Variants in CDH4 observed in about 807,000 individuals in gnomAD.
CDH4 encodes cadherin 4, also known as cadherin-4.
CDH4 carries 33 observed loss-of-function variants against 86.0 expected under a neutral mutation model. The ratio of observed to expected loss-of-function variants is 0.38; its 90% CI spans 0.29 to 0.51. CDH4 has a LOEUF of 0.51. Among genes scored for constraint, CDH4 ranks in the 20% least tolerant of loss-of-function variants. CDH4 has a pLI of 0.86. For synonymous variants in CDH4, 555 were observed against 549.4 expected, an observed-to-expected ratio of 1.01 and a Z score of -0.14; for missense variants, 1,114 against 1,307.4, an observed-to-expected ratio of 0.85 and a Z score of 2.28.
chr20:61,326,524 G>T (rs1010911255), intron 2 of CDH4, among the ~76,000 whole-genome samples: 1 of 152,212 alleles, frequency 6.6e-6, no homozygotes, highest in African/African-American at 2.4e-5. Context: ...TAGATAACCA[G>T]TTAAAAAATA....
At chr20:61,565,344 TCCTCTTGGTGATGG>T (rs2086284642) in intron 2 of CDH4, among the ~76,000 whole-genome samples, 2 of 52,040 alleles carry the variant, frequency 3.8e-5, no homozygotes, top group African/African-American at 7.0e-5. Context: ...GTGGTAGTGG[TCCTCTTGGTGATGG>T]GGTGATGGTG....
chr20:61,313,825 C>T (rs546030870), intron 2 of CDH4, among the ~76,000 whole-genome samples: 13 of 152,240 alleles, frequency 8.5e-5, no homozygotes, highest in Admixed American at 7.2e-4. Flanking sequence ...CAGCCTCAAA[C>T]TCATGGCCTC....
intron 4 of CDH4, 42 bp from the exon 5 acceptor site, chr20:61,844,626 C>T: frequency 6.3e-7 from 1 of 1,575,958 alleles, no homozygotes; most frequent in African/African-American, 1.3e-5. Context: ...GGCCTCTCCT[C>T]ACCACAGGAT....
chr20:61,723,424 G>T lies in CDH4; in HGVS notation c.170-20139G>T, dbSNP rs577698920. On this transcript the variant is annotated intron_variant, in intron 2 of 15. Transcript: ENST00000614565. ...TAAATGAGTGGGTTCTGGCTCTGTC[G>T]TTTTCCTCCCCAGGGCCTGCAGCCT... Among the ~76,000 whole-genome samples, 12 of 152,332 alleles carry T rather than the reference G, an allele frequency of 7.9e-5. No homozygotes were observed. The East Asian group carries it at 2.3e-3, about 29-fold the overall frequency.
intron 2 of CDH4, among the ~76,000 whole-genome samples, chr20:61,414,637 T>C (rs1477103521): frequency 6.6e-6 from 1 of 152,090 alleles, no homozygotes; most frequent in Non-Finnish European, 1.5e-5. Context: ...GATGGGGTGG[T>C]GGAGGGGGGC....
intron 2 of CDH4, among the ~76,000 whole-genome samples, chr20:61,257,848 C>G (rs1165967596): frequency 2.6e-5 from 4 of 152,162 alleles, no homozygotes; most frequent in Non-Finnish European, 5.9e-5. Context: ...CACCCAGACC[C>G]GATTCATAAC....
chr20:61,399,857 G>A (rs1024026297), intron 2 of CDH4, among the ~76,000 whole-genome samples: 6 of 152,198 alleles, frequency 3.9e-5, no homozygotes, highest in Non-Finnish European at 8.8e-5. Flanking sequence ...TTCCCCGGCA[G>A]GGTCTGAGGG....
intron 5 of CDH4, among the ~76,000 whole-genome samples, chr20:61,846,379 C>T (rs1259057157): frequency 6.6e-6 from 1 of 152,246 alleles, no homozygotes; most frequent in Non-Finnish European, 1.5e-5. Flanking sequence ...CTCAGCATGG[C>T]TGCTGGCTCC....
chr20:61,728,156 A>G (rs1323445813), intron 2 of CDH4, among the ~76,000 whole-genome samples: 1 of 131,338 alleles, frequency 7.6e-6, no homozygotes, highest in Non-Finnish European at 1.8e-5. Flanking sequence ...CCCATCAGCC[A>G]TAGAACCTGG....
At chr20:61,803,564 G>C (rs1979951576) in intron 4 of CDH4, among the ~76,000 whole-genome samples, 1 of 152,180 alleles carries the variant, frequency 6.6e-6, no homozygotes, top group Non-Finnish European at 1.5e-5. Flanking sequence ...TCCAAATTAG[G>C]AATCAGTTCT....
intron 2 of CDH4, among the ~76,000 whole-genome samples, chr20:61,490,565 G>T (rs1200832507): frequency 6.6e-6 from 1 of 152,122 alleles, no homozygotes; most frequent in Admixed American, 6.5e-5. Context: ...TGGGCATAGT[G>T]GTGGGTGCCT....
intron 2 of CDH4, among the ~76,000 whole-genome samples, chr20:61,608,619 G>T (rs2086662291): frequency 6.6e-6 from 1 of 152,222 alleles, no homozygotes; most frequent in Non-Finnish European, 1.5e-5. Flanking sequence ...CAAGAACGTG[G>T]TCCACCACAG....
intron 9 of CDH4, among the ~76,000 whole-genome samples, chr20:61,921,647 G>T (rs1228507907): frequency 6.6e-6 from 1 of 151,922 alleles, no homozygotes; most frequent in Non-Finnish European, 1.5e-5. Context: ...AGCTACTGGG[G>T]AGGCTGAGGC....
intron 2 of CDH4, among the ~76,000 whole-genome samples, chr20:61,602,077 G>A (rs190454616): frequency 1.2e-4 from 18 of 152,252 alleles, no homozygotes; most frequent in Admixed American, 7.8e-4. Context: ...GTGGAGCTGC[G>A]CCGTGCCCTG....
intron 2 of CDH4, among the ~76,000 whole-genome samples, chr20:61,541,138 A>G (rs934228025): frequency 6.6e-6 from 1 of 152,172 alleles, no homozygotes; most frequent in Non-Finnish European, 1.5e-5. Context: ...TCCAGAAAAT[A>G]ATTAACCACC....
intron 6 of CDH4, among the ~76,000 whole-genome samples, chr20:61,862,940 G>A (rs955353697): frequency 4.6e-5 from 7 of 152,086 alleles, no homozygotes; most frequent in Admixed American, 2.6e-4. Flanking sequence ...AGTGGGCCCC[G>A]TTTATTTATT....
intron 8 of CDH4, among the ~76,000 whole-genome samples, chr20:61,906,018 G>T (rs749027402): frequency 1.3e-5 from 2 of 152,178 alleles, no homozygotes; most frequent in East Asian, 1.9e-4. Context: ...CTCAGGCTGC[G>T]AATGGCGGCT....
chr20:61,580,338 C>T (rs1048985680), intron 2 of CDH4, among the ~76,000 whole-genome samples: 3 of 152,062 alleles, frequency 2.0e-5, no homozygotes, highest in Admixed American at 6.6e-5. Flanking sequence ...GCCTGCAATC[C>T]CAGCTACTAG....
intron 2 of CDH4, among the ~76,000 whole-genome samples, chr20:61,547,562 C>G (rs1185294015): frequency 1.3e-5 from 2 of 150,026 alleles, no homozygotes; most frequent in African/African-American, 4.9e-5. Flanking sequence ...GAGTCTCCTG[C>G]CACTGTTGAC....
Sources: gnomAD v4.1 joint callset for allele counts (sites outside exome capture counted in the v4.1 genomes callset) on GRCh38, gnomAD v4.1.1 for gene constraint, MANE v1.5 for transcripts, NCBI Gene and HGNC (gene_info 2026-07-23, HGNC 2026-07-21) for gene names.